The following PTPN4 variants were observed in gnomAD, a reference collection of about 807,000 sequenced individuals.
PTPN4 encodes the protein protein tyrosine phosphatase non-receptor type 4.
A neutral mutation model predicts 135.5 loss-of-function variants in PTPN4; 49 were observed. That is an observed-to-expected ratio of 0.36 (90% confidence interval 0.29 to 0.46). PTPN4 has a LOEUF of 0.46. Ranked by LOEUF, PTPN4 falls within the 20% of genes least tolerant of loss-of-function variation. PTPN4 has a pLI of 1.00. For missense variants in PTPN4, 860 were observed against 1,101.0 expected (o/e 0.78, Z 3.10); for synonymous variants, 333 against 369.9 (o/e 0.90, Z 1.14).
intron 22 of PTPN4, among the ~76,000 whole-genome samples, chr2:119,958,620 G>A (rs998542649): frequency 3.9e-5 from 6 of 152,142 alleles, no homozygotes; most frequent in African/African-American, 1.2e-4. Flanking sequence ...GCTCTAGAAA[G>A]TCTTTGTACA....
At position 119,939,987 on chromosome 2, in the gene PTPN4, C is replaced by T. The variant is rs193193120; in HGVS notation, c.1355+5029C>T. Among the ~76,000 whole-genome samples, 491 of 152,280 alleles carry T rather than the reference C, an allele frequency of 3.2e-3. 2 individuals are homozygous for T. Among genetic ancestry groups the T allele is most frequent in the African/African-American group, 0.011 (462 of 41,550 alleles). ...GGCTTCAAGACTAATTACAGGTCCC[C>T]GGACACTGTAGCTGCAGTATGCTTA... is the stretch of plus-strand genomic sequence containing the variant. On this transcript the variant is annotated intron_variant, in intron 15 of 26. Coordinates refer to ENST00000263708, the MANE Select transcript of PTPN4 (RefSeq NM_002830.4).
chr2:119,900,356 T>A (rs1403728323), intron 9 of PTPN4, among the ~76,000 whole-genome samples: 5 of 152,136 alleles, frequency 3.3e-5, no homozygotes, highest in Non-Finnish European at 5.9e-5. Context: ...CACAGTTACT[T>A]AGTAAATGGA....
chr2:119,810,182 A>G (rs1691552951), intron 2 of PTPN4, among the ~76,000 whole-genome samples, 191 bp downstream of exon 2: 1 of 152,222 alleles, frequency 6.6e-6, no homozygotes, highest in Non-Finnish European at 1.5e-5. Flanking sequence ...AGTGTTGCTC[A>G]CTGGATGTTG....
intron 1 of PTPN4, among the ~76,000 whole-genome samples, chr2:119,765,569 TTA>T (rs1690599729): frequency 6.6e-6 from 1 of 152,244 alleles, no homozygotes; most frequent in African/African-American, 2.4e-5. Flanking sequence ...GAACATTCCT[TTA>T]TATGTTAAGC....
At chr2:119,949,392 A>G (rs1469377951) in intron 18 of PTPN4, among the ~76,000 whole-genome samples, 2 of 152,214 alleles carry the variant, frequency 1.3e-5, no homozygotes. Context: ...TGAATACATA[A>G]TAGTTGTACA....
intron 1 of PTPN4, among the ~76,000 whole-genome samples, chr2:119,782,714 C>CCCCCT (rs1558723977): frequency 8.3e-6 from 1 of 120,182 alleles, no homozygotes; most frequent in Non-Finnish European, 1.7e-5. Context: ...CCCCACCCCC[C>CCCCCT]TTTTTTTTTT....
At chr2:119,767,804 G>A (rs568893560) in intron 1 of PTPN4, among the ~76,000 whole-genome samples, 1 of 152,328 alleles carries the variant, frequency 6.6e-6, no homozygotes, top group Admixed American at 6.5e-5. Flanking sequence ...ACTAAGAGAC[G>A]TGCTGTATAG....
intron 1 of PTPN4, among the ~76,000 whole-genome samples, chr2:119,778,331 A>T (rs1396521798): frequency 6.6e-6 from 1 of 152,116 alleles, no homozygotes; most frequent in East Asian, 1.9e-4. Context: ...TAGTTCTTTG[A>T]CTCACTAAAT....
intron 1 of PTPN4, among the ~76,000 whole-genome samples, chr2:119,796,919 T>G (rs1012056115): frequency 6.6e-5 from 10 of 151,530 alleles, no homozygotes; most frequent in Non-Finnish European, 1.0e-4. Flanking sequence ...GATAGGTAGG[T>G]AGTGATATCG....
Position 119,956,868 on chromosome 2 carries a change from A to T in PTPN4, c.2005A>T (p.Met669Leu). ...FDQLYRKKPG[M>L]TMSCAKLPQN... ...GCAACTGTATCGGAAAAAACCTGGAATGACAATGTCCTGTGCCAAATTACC... is the reference window on the plus strand; with the variant it reads ...GCAACTGTATCGGAAAAAACCTGGATTGACAATGTCCTGTGCCAAATTACC... The change falls in exon 21 of 27, where the codon ATG (methionine) becomes TTG (leucine). Residue 669 changes from methionine (M) to leucine (L), a missense_variant. By Grantham distance (15) the Met-to-Leu change is conservative. Around this residue, in one of 2 missense-constraint regions of PTPN4, gnomAD observed 684 missense variants for 807.0 expected, o/e 0.85. Coordinates refer to ENST00000263708, the MANE Select transcript of PTPN4 (RefSeq NM_002830.4). 1 of 1,595,032 alleles carries T rather than the reference A, an allele frequency of 6.3e-7. No individual in the cohort carries two copies. The highest frequency in any genetic ancestry group is 1.2e-5 in the South Asian group (1 of 86,238).
At chr2:119,917,047 TTAAG>T (rs1033606946) in intron 11 of PTPN4, among the ~76,000 whole-genome samples, 11 of 152,210 alleles carry the variant, frequency 7.2e-5, no homozygotes, top group African/African-American at 2.2e-4. Context: ...ATATTTTACT[TTAAG>T]TAATCATAGA....
rs192953405 is a variant in PTPN4, at chr2:119,825,091, T to C, written c.138+15100T>C. ...TACTTATTTCTATAAACTGAATAAC[T>C]TCTCCCAGCTTTTCAACTTGTGGAA... is the stretch of plus-strand genomic sequence containing the variant. On this transcript the variant is annotated intron_variant, in intron 2 of 26. Transcript: ENST00000263708. 3.2e-3 allele frequency among the ~76,000 whole-genome samples: 493 copies of C among 152,346 alleles called. 2 individuals are homozygous for C. Among genetic ancestry groups the C allele is most frequent in the African/African-American group, 0.011 (466 of 41,582 alleles).
intron 10 of PTPN4, among the ~76,000 whole-genome samples, chr2:119,912,011 A>G (rs992339990): frequency 2.0e-5 from 3 of 152,210 alleles, no homozygotes; most frequent in African/African-American, 7.2e-5. Context: ...AATAGCCGAA[A>G]ACTAGAAACA....
chr2:119,889,263 C>A (rs1678205273), intron 9 of PTPN4, among the ~76,000 whole-genome samples: 2 of 151,972 alleles, frequency 1.3e-5, no homozygotes, highest in Admixed American at 1.3e-4. Flanking sequence ...ACTAAAAATA[C>A]AAAAAAATTA....
intron 23 of PTPN4, among the ~76,000 whole-genome samples, chr2:119,961,180 A>G (rs1039643771): frequency 1.3e-5 from 2 of 151,836 alleles, no homozygotes; most frequent in African/African-American, 4.8e-5. Context: ...TAAAGGGATT[A>G]ATATACATTT....
rs72952812 is a variant in PTPN4, at chr2:119,946,243, T to C, written c.1516-98T>C. ...TAGAATTATGATTTTTTACAAACTATGCATAATATAAGCATACAAAAAATA... is the reference window on the plus strand; with the variant it reads ...TAGAATTATGATTTTTTACAAACTACGCATAATATAAGCATACAAAAAATA... On this transcript the variant is annotated intron_variant, in intron 16 of 26. Coordinates refer to ENST00000263708, the MANE Select transcript of PTPN4 (RefSeq NM_002830.4). The C allele has an allele frequency of 6.5e-3, 5,901 of 901,264 alleles. 234 individuals carry two copies. In the African/African-American group the frequency reaches 0.088, roughly 13 times the overall value. 55.8% of individuals were successfully genotyped at this position (901,264 alleles called of 1,614,324 possible).
chr2:119,802,741 G>A (rs906801890), intron 1 of PTPN4, among the ~76,000 whole-genome samples: 8 of 152,130 alleles, frequency 5.3e-5, no homozygotes, highest in African/African-American at 1.9e-4. Flanking sequence ...GATTTGAGAA[G>A]TATCCTTTTC....
At chr2:119,899,968 G>T (rs1410612810) in intron 9 of PTPN4, among the ~76,000 whole-genome samples, 3 of 152,120 alleles carry the variant, frequency 2.0e-5, no homozygotes, top group Non-Finnish European at 4.4e-5. Context: ...TGAATGGTAG[G>T]TGGTAAAAGC....
At chr2:119,956,769 GA>G in intron 20 of PTPN4, 74 bp from the exon 21 acceptor site, 1 of 1,569,386 alleles carries the variant, frequency 6.4e-7, no homozygotes, top group Non-Finnish European at 8.6e-7. Context: ...TGTTAGTGTA[GA>G]AACAAGTCTG....
Sources: gnomAD v4.1 joint callset for allele counts (sites outside exome capture counted in the v4.1 genomes callset) on GRCh38, gnomAD v4.1.1 for gene constraint, gnomAD v4.1.1 regional missense constraint, MANE v1.5 for transcripts, NCBI Gene and HGNC (gene_info 2026-07-23, HGNC 2026-07-21) for gene names.